Variants in MOK observed in about 807,000 individuals in gnomAD.
MOK encodes the protein MAPK/MAK/MRK overlapping kinase.
A neutral mutation model predicts 54.2 loss-of-function variants in MOK; 59 were observed. That is an observed-to-expected ratio of 1.09 (90% CI 0.88 to 1.35). The LOEUF is 1.35. Ranked by LOEUF, MOK falls within the 40% of genes most tolerant of loss-of-function variation. The probability of loss-of-function intolerance (pLI) is 0.00; values close to 1 mark genes in which losing one functional copy is unlikely to be tolerated. For missense variants in MOK, 517 were observed against 526.2 expected, an observed-to-expected ratio of 0.98 and a Z score of 0.17; for synonymous variants, 210 against 202.7, an observed-to-expected ratio of 1.04 and a Z score of -0.31.
chr14:102,220,719 CAAAAA>C (rs35097607), downstream of MOK, among the ~76,000 whole-genome samples: 6 of 111,700 alleles, frequency 5.4e-5, no homozygotes, highest in Non-Finnish European at 1.9e-5. This position sits in a 1 kb window ranked among gnomAD's most constrained non-coding sequence, Gnocchi z 4.2. Flanking sequence ...GACTCCGTCT[CAAAAA>C]AAAAAAAAAA....
chr14:102,290,668 A>C (rs1037302289), intron 1 of MOK, among the ~76,000 whole-genome samples: 5 of 152,192 alleles, frequency 3.3e-5, no homozygotes, highest in Non-Finnish European at 7.3e-5. Context: ...CAGGAAAAAC[A>C]ACCTGAGGAT....
At chr14:102,222,613 C>T (rs1456151344), downstream of MOK, among the ~76,000 whole-genome samples, 1 of 152,154 alleles carries the variant, frequency 6.6e-6, no homozygotes, top group Non-Finnish European at 1.5e-5. This position sits in a 1 kb window ranked among gnomAD's most constrained non-coding sequence, Gnocchi z 4.4. Flanking sequence ...GGTATTGAGG[C>T]CACAGTATTG....
chr14:102,244,683 G>T (rs1185681708), intron 7 of MOK, among the ~76,000 whole-genome samples: 1 of 152,146 alleles, frequency 6.6e-6, no homozygotes, highest in Non-Finnish European at 1.5e-5. Context: ...CACTGGATGG[G>T]TAGAGGCCTT....
chr14:102,218,230 G>A, the MOK span, among the ~76,000 whole-genome samples: 1 of 152,222 alleles, frequency 6.6e-6, no homozygotes, highest in Non-Finnish European at 1.5e-5. Context: ...GACCAGAGAG[G>A]GTATTGAACA....
the MOK span, among the ~76,000 whole-genome samples, chr14:102,216,851 T>G: frequency 6.6e-6 from 1 of 152,136 alleles, no homozygotes; most frequent in African/African-American, 2.4e-5. Context: ...GAAAATCACT[T>G]GAACCCAGGA....
chr14:102,262,324 G>A (rs1567189910), intron 4 of MOK, among the ~76,000 whole-genome samples: 1 of 151,992 alleles, frequency 6.6e-6, no homozygotes, highest in Non-Finnish European at 1.5e-5. Context: ...TTTTTTGTGT[G>A]TATTTTTTAG....
intron 4 of MOK, among the ~76,000 whole-genome samples, chr14:102,257,973 C>T (rs1233786878): frequency 1.5e-5 from 2 of 135,408 alleles, no homozygotes; most frequent in East Asian, 2.0e-4. Context: ...GAGACTCTGT[C>T]TCAAAAAAAA....
At chr14:102,279,016 T>C (rs2069147609) in intron 2 of MOK, among the ~76,000 whole-genome samples, 1 of 152,164 alleles carries the variant, frequency 6.6e-6, no homozygotes, top group Non-Finnish European at 1.5e-5. Context: ...CCCCATTGTA[T>C]AAAGAAAGAA....
chr14:102,229,438 G>A lies in MOK; in HGVS notation c.1182+19C>T, dbSNP rs781649039. The A allele has an allele frequency of 1.9e-6, 3 of 1,614,198 alleles. No homozygotes were observed. Among genetic ancestry groups the A allele is most frequent in the Non-Finnish European group, 2.5e-6 (3 of 1,180,026 alleles). On this transcript the variant is annotated intron_variant, in intron 11 of 11. Coordinates refer to ENST00000361847, the MANE Select transcript of MOK (RefSeq NM_014226.3). ...TGGGTCGAAGAGCAGCGCCGTCAGA[G>A]AAGCTGGTTCCGCGCTACCTTCTTG...
In MOK at chr14:102,235,293, G is replaced by A. The variant is rs1597275978; in HGVS notation, c.591-1504C>T. 6.6e-6 allele frequency: 1 copy of A among 152,352 alleles called. No homozygotes were observed. Among genetic ancestry groups the A allele is most frequent in the Non-Finnish European group, 1.5e-5 (1 of 68,038 alleles). The allele number at this position is 152,352 out of a possible 1,614,324, so 9.4% of individuals were successfully genotyped here. ...TCTAATGTTTCCCAAATTGAGAAAC[G>A]TCCAGGTTCTTCTCCGATCCCGACA... On this transcript the variant is annotated intron_variant, in intron 7 of 11. Transcript: ENST00000361847. This position sits in a 1 kb window ranked among gnomAD's most constrained non-coding sequence, Gnocchi z 4.4.
chr14:102,233,456 C>A, intron 8 of MOK: 1 of 508,852 alleles, frequency 2.0e-6, no homozygotes, highest in Non-Finnish European at 3.5e-6. Context: ...CCTCAGAAAG[C>A]CTGTGACAAA....
chr14:102,272,794 C>T (rs1372121849), intron 2 of MOK, among the ~76,000 whole-genome samples: 4 of 152,164 alleles, frequency 2.6e-5, no homozygotes, highest in Admixed American at 1.3e-4. Flanking sequence ...AAACATCATG[C>T]TTCTAATGTT....
rs1279515687 is a variant in MOK at position 102,230,687 on chromosome 14, G to A, written c.981+1020C>T. ...GAGGCAGAGCAGGGACAGTAGTGAGGAGGCCATCTGTGGTGACTTAGGCAA... is the reference window on the plus strand; with the variant it reads ...GAGGCAGAGCAGGGACAGTAGTGAGAAGGCCATCTGTGGTGACTTAGGCAA... On this transcript the variant is annotated intron_variant, in intron 10 of 11. Transcript: ENST00000361847. The surrounding 1 kb of genome is among the most constrained non-coding windows in gnomAD (Gnocchi z 4.1). 1 of 153,262 alleles carries A rather than the reference G, an allele frequency of 6.5e-6. No homozygotes were observed. Among genetic ancestry groups the A allele is most frequent in the African/African-American group, 2.4e-5 (1 of 41,478 alleles). 9.5% of individuals were successfully genotyped at this position (153,262 alleles called of 1,614,324 possible).
chr14:102,228,527 G>A (rs1374294676), downstream of MOK, among the ~76,000 whole-genome samples: 3 of 151,868 alleles, frequency 2.0e-5, no homozygotes, highest in Non-Finnish European at 4.4e-5. Flanking sequence ...GAGAAACCCC[G>A]TCTCTACTAA....
At chr14:102,221,687 G>A (rs186023862), downstream of MOK, among the ~76,000 whole-genome samples, 33 of 152,312 alleles carry the variant, frequency 2.2e-4, no homozygotes, top group Admixed American at 4.6e-4. This position sits in a 1 kb window ranked among gnomAD's most constrained non-coding sequence, Gnocchi z 4.8. Flanking sequence ...TGACTTGAGC[G>A]GGACAGCTTG....
chr14:102,265,745 T>C (rs1376202918), intron 3 of MOK, 78 bp downstream of exon 3: 106 of 1,183,012 alleles, frequency 9.0e-5, no homozygotes, highest in Non-Finnish European at 1.2e-4. Context: ...ATTCAAAATG[T>C]CTACCATGGT....
chr14:102,274,158 G>A (rs144554430), intron 2 of MOK, among the ~76,000 whole-genome samples: 155 of 151,328 alleles, frequency 1.0e-3, no homozygotes, highest in Admixed American at 1.3e-3. Context: ...GGGGTTTCAC[G>A]GTTTTAGCCA....
At position 102,229,485 on chromosome 14, in the gene MOK, G is replaced by A. The variant is rs767585856; in HGVS notation, c.1154C>T (p.Pro385Leu). Residue 385 changes from proline to leucine, a missense_variant, in exon 11 of 12, where the codon CCC (proline) becomes CTC (leucine). Coordinates refer to ENST00000361847, the MANE Select transcript of MOK (RefSeq NM_014226.3). Reference sequence around the variant, plus strand: ...CTTGCTCGCAGGGATGCACTTCAAGGGTCTCAGCACCGGCACTCTTCCATT... The same window carrying A: ...CTTGCTCGCAGGGATGCACTTCAAGAGTCTCAGCACCGGCACTCTTCCATT... The part of the protein sequence containing the change: ...GTNGRVPVLR[P>L]LKCIPASKKT... 4.3e-6 allele frequency: 7 copies of A among 1,614,150 alleles called. No homozygotes were observed. The highest frequency in any genetic ancestry group is 3.3e-5 in the South Asian group (3 of 91,086).
chr14:102,270,246 G>A (rs182207853), intron 2 of MOK, among the ~76,000 whole-genome samples: 110 of 152,280 alleles, frequency 7.2e-4, no homozygotes, highest in African/African-American at 2.6e-3. Context: ...AGCTAAAACA[G>A]GATTTAGAAA....
Sources: gnomAD v4.1 joint callset for allele counts (sites outside exome capture counted in the v4.1 genomes callset) on GRCh38, gnomAD v4.1.1 for gene constraint, Gnocchi (gnomAD v3.1) non-coding constraint, MANE v1.5 for transcripts, NCBI Gene and HGNC (gene_info 2026-07-23, HGNC 2026-07-21) for gene names.